The following LTBP2 variants were observed in gnomAD, a reference collection of about 807,000 sequenced individuals.
LTBP2 encodes latent-transforming growth factor beta-binding protein 2.
In LTBP2, 103 loss-of-function variants were observed where a neutral mutation model predicts 210.6. The observed-to-expected ratio is 0.49, with a 90% CI of 0.42 to 0.58. LTBP2 has a LOEUF of 0.58. LTBP2 is among the 20% of genes least tolerant of loss of function. The pLI, the probability that LTBP2 is intolerant of heterozygous loss-of-function variation, is 0.00. For missense variants in LTBP2, 2,313 were observed against 2,494.5 expected (o/e 0.93, Z 1.55); for synonymous variants, 1,007 against 1,015.0 (o/e 0.99, Z 0.15).
Position 74,528,939 on chromosome 14 carries a change from G to A in LTBP2, c.2152+19C>T, listed in dbSNP as rs187831488. On this transcript the variant is annotated intron_variant, in intron 11 of 35. Transcript: ENST00000261978. ...TGAGCCCCTGGGCAGTGAAAGCTGG[G>A]ATGGGAACAGGAGGTTACCTGTGCC... The A allele has an allele frequency of 6.0e-4, 973 of 1,610,130 alleles. 1 individual carries two copies. The highest frequency in any genetic ancestry group is 9.2e-4 in the South Asian group (83 of 90,250).
chr14:74,539,756 G>C (rs953485727), intron 8 of LTBP2, among the ~76,000 whole-genome samples: 2 of 152,068 alleles, frequency 1.3e-5, no homozygotes, highest in African/African-American at 4.8e-5. Flanking sequence ...TGCTTCTTTA[G>C]TGATCAGAAG....
chr14:74,585,650 C>T (rs1042659479), intron 3 of LTBP2, among the ~76,000 whole-genome samples: 1 of 152,180 alleles, frequency 6.6e-6, no homozygotes, highest in Non-Finnish European at 1.5e-5. Context: ...CCACCCCAGG[C>T]TGGCAAAGCC....
intron 2 of LTBP2, among the ~76,000 whole-genome samples, chr14:74,596,250 TAA>T (rs1491572538): frequency 6.7e-6 from 1 of 149,244 alleles, no homozygotes; most frequent in African/African-American, 2.5e-5. Context: ...AATAAATAAA[TAA>T]ATAAATAAAT....
chr14:74,593,642 T>C (rs978200975), intron 2 of LTBP2, among the ~76,000 whole-genome samples: 1 of 152,206 alleles, frequency 6.6e-6, no homozygotes, highest in Non-Finnish European at 1.5e-5. Flanking sequence ...AATTTAAAAT[T>C]CAGTTCCTTC....
Position 74,500,749 on chromosome 14 carries a change from G to A in LTBP2, c.*135C>T. ...TACAGCCAGAGGCTAAGCTGGGAGAGATGAAAGCAGGCAAGGCTGATTGGA... is the reference window on the plus strand; with the variant it reads ...TACAGCCAGAGGCTAAGCTGGGAGAAATGAAAGCAGGCAAGGCTGATTGGA... On this transcript the variant is annotated 3_prime_UTR_variant, in exon 36 of 36. Coordinates refer to ENST00000261978, the MANE Select transcript of LTBP2 (RefSeq NM_000428.3). 1.6e-6 allele frequency: 2 copies of A among 1,212,796 alleles called. No individual in the cohort carries two copies. The highest frequency in any genetic ancestry group is 2.4e-6 in the Non-Finnish European group (2 of 827,980). 75.1% of individuals were successfully genotyped at this position (1,212,796 alleles called of 1,614,324 possible).
chr14:74,505,280 T>C (rs1332417239), intron 28 of LTBP2, 106 bp from the exon 29 acceptor site: 5 of 1,297,156 alleles, frequency 3.9e-6, no homozygotes, highest in Non-Finnish European at 5.4e-6. Context: ...CACTTTACAG[T>C]GGAAAAAATT....
intron 18 of LTBP2, among the ~76,000 whole-genome samples, chr14:74,512,761 G>A (rs376395288): frequency 8.5e-5 from 13 of 152,364 alleles, no homozygotes; most frequent in Non-Finnish European, 1.2e-4. Context: ...GAGATAAGGC[G>A]CATCTCTGGC....
chr14:74,603,134 T>C (rs1040078256), intron 2 of LTBP2, among the ~76,000 whole-genome samples: 3 of 152,204 alleles, frequency 2.0e-5, no homozygotes, highest in Non-Finnish European at 2.9e-5. Context: ...GGAGGCATTT[T>C]TTTTTCTTTT....
At chr14:74,589,410 G>A (rs2088250873) in intron 2 of LTBP2, among the ~76,000 whole-genome samples, 1 of 152,198 alleles carries the variant, frequency 6.6e-6, no homozygotes, top group African/African-American at 2.4e-5. Context: ...GGGCACTCAA[G>A]ACCAGTCTAT....
intron 10 of LTBP2, among the ~76,000 whole-genome samples, chr14:74,531,070 C>A (rs1316259933): frequency 6.6e-6 from 1 of 152,208 alleles, no homozygotes; most frequent in African/African-American, 2.4e-5. Context: ...AGGGCTCTGT[C>A]CCTTTGAACC....
rs2087208103 is a variant in LTBP2 at position 74,521,916 on chromosome 14, C to T, written c.2783G>A (p.Cys928Tyr). The T allele has an allele frequency of 6.2e-7, 1 of 1,614,046 alleles. No individual in the cohort carries two copies. The highest frequency in any genetic ancestry group is 8.5e-7 in the Non-Finnish European group (1 of 1,180,026). ...TLATSGATQE[C>Y]QDINECEQPG... ...CAAGGGCGGGCTTGGCTTACCTTGA[C>T]ACTCCTGTGTCGCCCCTGAGGTGGC... Residue 928 changes from cysteine to tyrosine, a missense_variant, in exon 17 of 36, where the codon TGT becomes TAT. Physicochemically the swap from Cys to Tyr is radical, Grantham distance 194. Transcript: ENST00000261978.
In LTBP2 at chr14:74,549,360, C is replaced by A. The variant is rs568341672; in HGVS notation, c.1789+503G>T. On this transcript the variant is annotated intron_variant, in intron 8 of 35. Transcript: ENST00000261978. The stretch of plus-strand genomic sequence containing the variant: ...TTAACACATGTTAGGTTTTTCCCAT[C>A]GTCCAAAAGAGGGCAAGGAACTAGG... Among the ~76,000 whole-genome samples, 3 of 152,330 alleles carry A rather than the reference C, an allele frequency of 2.0e-5. No homozygotes were observed. In the East Asian group the frequency reaches 5.8e-4, roughly 29 times the overall value.
rs2086875085 is a variant in LTBP2, at chr14:74,498,490, A to G, written c.*2394T>C. ...GTTTATCCATTCAATGGAATAGTAT[A>G]CAGCTGTAAAATGAAATGAGGCAGC... is the stretch of plus-strand genomic sequence containing the variant. On this transcript the variant is annotated 3_prime_UTR_variant, in exon 36 of 36. Transcript: ENST00000261978. 4.6e-6 allele frequency: 1 copy of G among 219,712 alleles called. No individual in the cohort carries two copies. Among genetic ancestry groups the G allele is most frequent in the Non-Finnish European group, 9.1e-6 (1 of 109,588 alleles). 13.6% of individuals were successfully genotyped at this position (219,712 alleles called of 1,614,324 possible).
At chr14:74,521,825 G>C (rs1035144130) in intron 17 of LTBP2, 86 bp downstream of exon 17, 18 of 1,557,360 alleles carry the variant, frequency 1.2e-5, no homozygotes, top group Admixed American at 1.7e-5. Context: ...CTGCGGCACG[G>C]TGTTTGGGGG....
At chr14:74,522,228 C>T (rs2087214386) in intron 16 of LTBP2, among the ~76,000 whole-genome samples, 189 bp from the exon 17 acceptor site, 1 of 152,160 alleles carries the variant, frequency 6.6e-6, no homozygotes, top group Admixed American at 6.5e-5. Flanking sequence ...AGTGGGCCCA[C>T]TCAGGCACCA....
intron 15 of LTBP2, among the ~76,000 whole-genome samples, chr14:74,524,778 G>T (rs1170681676): frequency 6.6e-6 from 1 of 152,214 alleles, no homozygotes; most frequent in Non-Finnish European, 1.5e-5. Flanking sequence ...GCCTGGAAGA[G>T]CCAGGATCCC....
At chr14:74,572,760 C>T (rs945349763) in intron 3 of LTBP2, among the ~76,000 whole-genome samples, 6 of 152,134 alleles carry the variant, frequency 3.9e-5, no homozygotes, top group Non-Finnish European at 8.8e-5. Flanking sequence ...CACACGCATA[C>T]ACACACATAC....
At position 74,521,950 on chromosome 14, in the gene LTBP2, A is replaced by G. The variant is rs761615962; in HGVS notation, c.2749T>C (p.Tyr917His). 14 of 1,614,220 alleles carry G rather than the reference A, an allele frequency of 8.7e-6. No individual in the cohort carries two copies. The highest frequency in any genetic ancestry group is 1.1e-5 in the Non-Finnish European group (13 of 1,180,038). Residue 917 changes from tyrosine to histidine, a missense_variant, in exon 17 of 36, where the codon TAC becomes CAC. Coordinates refer to ENST00000261978, the MANE Select transcript of LTBP2 (RefSeq NM_000428.3). Reference protein sequence around the residue: ...GSYSCFCYPGYTLATSGATQE... With the variant: ...GSYSCFCYPGHTLATSGATQE... ...GTCGCCCCTGAGGTGGCCAGAGTGT[A>G]GCCAGGGTAGCAGAAGCAGGAGTAG... is the stretch of plus-strand genomic sequence containing the variant.
chr14:74,566,580 G>A (rs1420674127), intron 3 of LTBP2, among the ~76,000 whole-genome samples: 2 of 152,168 alleles, frequency 1.3e-5, no homozygotes, highest in African/African-American at 4.8e-5. Flanking sequence ...GCAGGCCCTT[G>A]GCTGCCAAAC....
Sources: gnomAD v4.1 joint callset for allele counts (sites outside exome capture counted in the v4.1 genomes callset) on GRCh38, gnomAD v4.1.1 for gene constraint, MANE v1.5 for transcripts, NCBI Gene and HGNC (gene_info 2026-07-23, HGNC 2026-07-21) for gene names.